Variants in CTTNBP2 observed in about 807,000 individuals in gnomAD.
The protein encoded by CTTNBP2 is cortactin binding protein 2.
CTTNBP2 carries 108 observed loss-of-function variants against 156.9 expected under a neutral mutation model. The ratio of observed to expected loss-of-function variants is 0.69; its 90% CI spans 0.59 to 0.81. The LOEUF is 0.81. CTTNBP2 is among the 30% of genes least tolerant of loss of function. The pLI is 0.00. For missense variants in CTTNBP2, 1,924 were observed against 2,035.4 expected (o/e 0.95, Z 1.05); for synonymous variants, 767 against 751.8 (o/e 1.02, Z -0.33).
chr7:117,873,419 C>A lies in CTTNBP2; in HGVS notation c.-4G>T. ...AGCTCGCGCCGTCCGTCGCCATCTT[C>A]CTGCTCTAGCGGATCCGAATGCGAG... On this transcript the variant is annotated 5_prime_UTR_variant, in exon 1 of 23. Transcript: ENST00000160373. 6.7e-7 allele frequency: 1 copy of A among 1,497,962 alleles called. No individual in the cohort carries two copies. The highest frequency in any genetic ancestry group is 8.8e-7 in the Non-Finnish European group (1 of 1,131,046). 92.8% of individuals were successfully genotyped at this position (1,497,962 alleles called of 1,614,324 possible).
At chr7:117,717,797 A>G (rs1316482722) in intron 22 of CTTNBP2, among the ~76,000 whole-genome samples, 1 of 152,042 alleles carries the variant, frequency 6.6e-6, no homozygotes, top group Non-Finnish European at 1.5e-5. Context: ...TTGGAATCAA[A>G]TTGAAGGGAA....
intron 12 of CTTNBP2, among the ~76,000 whole-genome samples, chr7:117,747,698 G>A (rs563442570): frequency 9.2e-5 from 14 of 152,258 alleles, no homozygotes; most frequent in Admixed American, 4.6e-4. Flanking sequence ...GCTTGAACCC[G>A]GGAGGTGGAG....
intron 9 of CTTNBP2, 34 bp downstream of exon 9, chr7:117,767,025 G>T: frequency 1.7e-6 from 2 of 1,159,004 alleles, no homozygotes; most frequent in Non-Finnish European, 2.6e-6. Context: ...CAGCATAGGG[G>T]AAAGATAAAC....
chr7:117,739,798 A>G (rs1795898736), intron 14 of CTTNBP2, among the ~76,000 whole-genome samples: 3 of 152,200 alleles, frequency 2.0e-5, no homozygotes, highest in Admixed American at 2.0e-4. Context: ...GCAAGCCTTT[A>G]AAGAGTCCCA....
chr7:117,811,113 G>T, intron 2 of CTTNBP2, 124 bp from the exon 3 acceptor site: 1 of 710,164 alleles, frequency 1.4e-6, no homozygotes, highest in Non-Finnish European at 2.3e-6. Flanking sequence ...AATGGCTTAT[G>T]ATGTCAGTGG....
chr7:117,820,351 A>G (rs1418285438), intron 2 of CTTNBP2, among the ~76,000 whole-genome samples: 2 of 152,212 alleles, frequency 1.3e-5, no homozygotes, highest in African/African-American at 4.8e-5. Flanking sequence ...AAATATTACC[A>G]TTAGTTAGAT....
intron 2 of CTTNBP2, among the ~76,000 whole-genome samples, chr7:117,825,912 C>G (rs1027748935): frequency 1.3e-5 from 2 of 152,112 alleles, no homozygotes; most frequent in Non-Finnish European, 2.9e-5. Flanking sequence ...CTTAGGATGT[C>G]TCATTAGAGA....
intron 1 of CTTNBP2, among the ~76,000 whole-genome samples, chr7:117,864,661 A>AAT (rs59007297): frequency 3.9e-3 from 401 of 102,614 alleles, no homozygotes; most frequent in South Asian, 7.7e-3. Context: ...TAGATGTATG[A>AAT]ATATATATTC....
intron 10 of CTTNBP2, chr7:117,760,157 C>T: frequency 2.2e-6 from 1 of 452,362 alleles, no homozygotes. Flanking sequence ...TAGTTTCTTG[C>T]ATTTATCTAG....
chr7:117,739,537 G>A (rs1412559351), intron 14 of CTTNBP2, among the ~76,000 whole-genome samples: 1 of 152,176 alleles, frequency 6.6e-6, no homozygotes, highest in African/African-American at 2.4e-5. Context: ...GAGGCTCAGG[G>A]CTACATCCCA....
chr7:117,718,011 C>CACTT lies in CTTNBP2; in HGVS notation c.4746+3_4746+6dup, dbSNP rs755394107. ...TTTGTTCACTTTGGGGAGAAAGGGACACTTACCTTTTGTGACACTGGCATT... is the reference window on the plus strand; with the variant it reads ...TTTGTTCACTTTGGGGAGAAAGGGACACTTACTTACCTTTTGTGACACTGGCATT... On this transcript the variant is annotated splice_region_variant and intron_variant, in intron 22 of 22. Transcript: ENST00000160373. 2.5e-5 allele frequency: 39 copies of CACTT among 1,551,116 alleles called. No individual in the cohort carries two copies. Among genetic ancestry groups the CACTT allele is most frequent in the South Asian group, 2.0e-4 (18 of 89,708 alleles).
intron 1 of CTTNBP2, among the ~76,000 whole-genome samples, chr7:117,868,174 C>T (rs1804338516): frequency 6.6e-6 from 1 of 152,194 alleles, no homozygotes; most frequent in Non-Finnish European, 1.5e-5. Context: ...ATCAGCTCCA[C>T]AGGCAAGCAG....
At chr7:117,812,865 A>C (rs1213389835) in intron 2 of CTTNBP2, among the ~76,000 whole-genome samples, 1 of 152,212 alleles carries the variant, frequency 6.6e-6, no homozygotes, top group Admixed American at 6.5e-5. Flanking sequence ...ACTTTGAGCC[A>C]AAATAGCCTC....
intron 6 of CTTNBP2, among the ~76,000 whole-genome samples, chr7:117,781,973 G>A (rs2116803126): frequency 6.6e-6 from 1 of 152,204 alleles, no homozygotes; most frequent in African/African-American, 2.4e-5. Context: ...ACAAACTCAG[G>A]GTAATGAGGT....
At chr7:117,831,054 A>G (rs1345950590) in intron 2 of CTTNBP2, among the ~76,000 whole-genome samples, 1 of 152,162 alleles carries the variant, frequency 6.6e-6, no homozygotes, top group African/African-American at 2.4e-5. Context: ...ATTGGCTATT[A>G]AACCTACATT....
intron 19 of CTTNBP2, among the ~76,000 whole-genome samples, chr7:117,722,275 A>G (rs1794836714): frequency 6.7e-6 from 1 of 149,224 alleles, no homozygotes. Context: ...TTTTTTTTTA[A>G]CCAAAGTCAC....
Position 117,784,434 on chromosome 7 carries a change from G to T in CTTNBP2, c.2089C>A (p.Pro697Thr). 1 of 1,596,520 alleles carries T rather than the reference G, an allele frequency of 6.3e-7. No individual in the cohort carries two copies. Among genetic ancestry groups the T allele is most frequent in the Non-Finnish European group, 8.5e-7 (1 of 1,174,304 alleles). ...GCAGGACCACCACTCATTAGCAAAG[G>T]GGTTAGGGAGGGTGACCAGCCTGTA... ...TASGWSPSLT[P>T]LLMSGGPAPL... The change falls in exon 5 of 23, where the codon CCT becomes ACT. Residue 697 changes from proline (P) to threonine (T), a missense_variant. Pro to Thr is a conservative substitution (Grantham distance 38). Transcript: ENST00000160373.
intron 2 of CTTNBP2, among the ~76,000 whole-genome samples, chr7:117,830,963 G>C (rs539980456): frequency 6.7e-6 from 1 of 150,214 alleles, no homozygotes; most frequent in African/African-American, 2.4e-5. Flanking sequence ...TCACATGTAA[G>C]TTTTTTTTTT....
chr7:117,816,164 T>TG (rs1800565241), intron 2 of CTTNBP2, among the ~76,000 whole-genome samples: 1 of 152,088 alleles, frequency 6.6e-6, no homozygotes, highest in Admixed American at 6.6e-5. Flanking sequence ...CTAGAGAAAA[T>TG]GATAGCTAAG....
Sources: gnomAD v4.1 joint callset for allele counts (sites outside exome capture counted in the v4.1 genomes callset) on GRCh38, gnomAD v4.1.1 for gene constraint, MANE v1.5 for transcripts, NCBI Gene and HGNC (gene_info 2026-07-23, HGNC 2026-07-21) for gene names.